The following CAMTA1 variants were observed in gnomAD, a reference collection of about 807,000 sequenced individuals.
CAMTA1 encodes the protein calmodulin-binding transcription activator 1.
In CAMTA1, 27 loss-of-function variants were observed where a neutral mutation model predicts 170.9. The observed-to-expected ratio is 0.16, with a 90% confidence interval of 0.12 to 0.22. CAMTA1 has a LOEUF of 0.22. Among genes scored for constraint, CAMTA1 ranks in the 10% least tolerant of loss-of-function variants. The probability of loss-of-function intolerance (pLI) is 1.00; values close to 1 mark genes in which losing one functional copy is unlikely to be tolerated. For synonymous variants in CAMTA1, 833 were observed against 891.5 expected (o/e 0.93, Z 1.17); for missense variants, 1,619 against 2,217.2 (o/e 0.73, Z 5.42).
chr1:6,921,162 G>A (rs1330758644), intron 3 of CAMTA1, among the ~76,000 whole-genome samples: 1 of 152,168 alleles, frequency 6.6e-6, no homozygotes, highest in Non-Finnish European at 1.5e-5. Flanking sequence ...ATGTTTTACT[G>A]CTTAGAAATT....
chr1:7,158,553 G>T (rs1647026834), intron 4 of CAMTA1, among the ~76,000 whole-genome samples: 1 of 152,174 alleles, frequency 6.6e-6, no homozygotes, highest in Admixed American at 6.5e-5. Flanking sequence ...TCTAGCTAAT[G>T]ATATGCCTTT....
chr1:7,080,343 G>A (rs1304918281), intron 3 of CAMTA1, among the ~76,000 whole-genome samples: 1 of 152,120 alleles, frequency 6.6e-6, no homozygotes, highest in Admixed American at 6.6e-5. Flanking sequence ...TTCCTCCAGT[G>A]CCTTTCAAAC....
intron 5 of CAMTA1, among the ~76,000 whole-genome samples, chr1:7,369,433 T>C (rs531710341): frequency 6.6e-6 from 1 of 152,324 alleles, no homozygotes; most frequent in South Asian, 2.1e-4. Context: ...TGTGGTTCCA[T>C]AATTCACTGA....
chr1:7,590,479 G>C (rs1259504808), intron 6 of CAMTA1, among the ~76,000 whole-genome samples: 2 of 152,240 alleles, frequency 1.3e-5, no homozygotes, highest in Admixed American at 6.5e-5. Context: ...GGAACCTGCA[G>C]TGGCCCCTTG....
At chr1:7,131,228 A>G (rs1645233549) in intron 4 of CAMTA1, among the ~76,000 whole-genome samples, 1 of 152,214 alleles carries the variant, frequency 6.6e-6, no homozygotes, top group South Asian at 2.1e-4. Flanking sequence ...CCAGGATTAC[A>G]GGTGCGAGCC....
In CAMTA1 at chr1:6,916,934, G is replaced by A. The variant is rs573322252; in HGVS notation, c.234+91724G>A. On this transcript the variant is annotated intron_variant, in intron 3 of 22. Coordinates refer to ENST00000303635, the MANE Select transcript of CAMTA1 (RefSeq NM_015215.4). Reference sequence around the variant, plus strand: ...GGCGGAGGCCTGTTGAGGTACATGAGGGGACAATTACAGGCCATTCTGGAG... The same window carrying A: ...GGCGGAGGCCTGTTGAGGTACATGAAGGGACAATTACAGGCCATTCTGGAG... Among the ~76,000 whole-genome samples, 6 of 152,316 alleles carry A rather than the reference G, an allele frequency of 3.9e-5. No individual in the cohort carries two copies. In the East Asian group the frequency reaches 1.2e-3, roughly 29 times the overall value.
intron 11 of CAMTA1, among the ~76,000 whole-genome samples, chr1:7,696,805 C>T (rs772190548): frequency 3.3e-5 from 5 of 152,244 alleles, no homozygotes; most frequent in East Asian, 3.9e-4. Flanking sequence ...TAGAGAAGGC[C>T]GTGGCAGCCC....
At chr1:7,245,190 T>C (rs1574160356) in intron 4 of CAMTA1, among the ~76,000 whole-genome samples, 2 of 148,702 alleles carry the variant, frequency 1.3e-5, no homozygotes, top group East Asian at 3.9e-4. Flanking sequence ...TATATATATA[T>C]ATGTGTGTGT....
At chr1:6,891,696 C>T (rs35370343) in intron 3 of CAMTA1, among the ~76,000 whole-genome samples, 24 of 152,220 alleles carry the variant, frequency 1.6e-4, no homozygotes, top group Non-Finnish European at 2.9e-4. Flanking sequence ...TTTTTATCTT[C>T]AGAAATAAGG....
chr1:7,091,753 C>G (rs966330741), intron 4 of CAMTA1, among the ~76,000 whole-genome samples: 5 of 152,208 alleles, frequency 3.3e-5, no homozygotes, highest in Non-Finnish European at 7.3e-5. Context: ...CCACTTTTAT[C>G]TCAACTTGTC....
At chr1:7,702,102 G>T (rs1266037563) in intron 11 of CAMTA1, among the ~76,000 whole-genome samples, 11 of 152,012 alleles carry the variant, frequency 7.2e-5, no homozygotes, top group Admixed American at 7.2e-4. Context: ...GAGCCCAGCC[G>T]AGAAACAATA....
Position 7,610,924 on chromosome 1 carries a change from C to T in CAMTA1, c.511-29476C>T, listed in dbSNP as rs542740117. On this transcript the variant is annotated intron_variant, in intron 6 of 22. Transcript: ENST00000303635. ...CAGGGCTTCCCAGTCCTGGTAACTA[C>T]GGGAGGCCAGGTCCCAGGCCCCCAG... is the stretch of plus-strand genomic sequence containing the variant. Among the ~76,000 whole-genome samples, 69 of 152,344 alleles carry T rather than the reference C, an allele frequency of 4.5e-4. No homozygotes were observed. In the South Asian group the frequency reaches 8.5e-3, roughly 19 times the overall value.
intron 4 of CAMTA1, among the ~76,000 whole-genome samples, chr1:7,139,950 A>G (rs74051146): frequency 3.9e-5 from 6 of 152,226 alleles, no homozygotes; most frequent in African/African-American, 1.4e-4. Context: ...AAGAATGACA[A>G]TAAAGATTAG....
intron 4 of CAMTA1, among the ~76,000 whole-genome samples, chr1:7,221,321 A>G (rs541206283): frequency 1.3e-5 from 2 of 151,550 alleles, no homozygotes; most frequent in East Asian, 3.9e-4. Context: ...CTTGATGGGT[A>G]TTGCACTCTC....
intron 3 of CAMTA1, among the ~76,000 whole-genome samples, chr1:6,838,514 A>G (rs1412213725): frequency 6.6e-6 from 1 of 152,162 alleles, no homozygotes; most frequent in Non-Finnish European, 1.5e-5. Context: ...GAGATGGCCA[A>G]ACCACTCTGA....
chr1:7,069,198 C>T (rs374539246), intron 3 of CAMTA1, among the ~76,000 whole-genome samples: 1 of 152,270 alleles, frequency 6.6e-6, no homozygotes, highest in East Asian at 1.9e-4. Context: ...ACGAAGAGGC[C>T]GTTGTCATTT....
intron 5 of CAMTA1, among the ~76,000 whole-genome samples, chr1:7,295,658 G>A (rs373526810): frequency 1.3e-5 from 2 of 152,226 alleles, no homozygotes; most frequent in Admixed American, 6.5e-5. Flanking sequence ...AATATTTATC[G>A]AGTACTTTCC....
intron 3 of CAMTA1, among the ~76,000 whole-genome samples, chr1:6,973,927 C>A (rs982980847): frequency 8.5e-5 from 13 of 152,222 alleles, no homozygotes; most frequent in Non-Finnish European, 1.9e-4. Context: ...TGAATCTCAG[C>A]GCCAAAAGGA....
intron 4 of CAMTA1, among the ~76,000 whole-genome samples, chr1:7,091,761 G>A (rs1558084122): frequency 6.6e-6 from 1 of 152,172 alleles, no homozygotes; most frequent in African/African-American, 2.4e-5. Context: ...ATCTCAACTT[G>A]TCTACAAACT....
Sources: allele counts gnomAD v4.1 joint callset (sites outside exome capture counted in the v4.1 genomes callset), GRCh38; gene constraint gnomAD v4.1.1; transcripts MANE v1.5; gene names NCBI Gene and HGNC (gene_info 2026-07-23, HGNC 2026-07-21).